Variants in NAA16 observed in about 807,000 individuals in gnomAD.
NAA16 encodes the protein N-alpha-acetyltransferase 16, NatA auxiliary subunit, also known as NARG1-like protein.
A neutral mutation model predicts 110.3 loss-of-function variants in NAA16; 97 were observed. That is an observed-to-expected ratio of 0.88 (90% confidence interval 0.75 to 1.04). The LOEUF is 1.04. Ranked by LOEUF, NAA16 falls within the 50% of genes least tolerant of loss-of-function variation. NAA16 has a pLI of 0.00. For missense variants in NAA16, 1,017 were observed against 1,005.1 expected, an observed-to-expected ratio of 1.01 and a Z score of -0.16; for synonymous variants, 372 against 330.6, an observed-to-expected ratio of 1.13 and a Z score of -1.36.
intron 8 of NAA16, among the ~76,000 whole-genome samples, chr13:41,335,014 T>C (rs2042341570): frequency 6.6e-6 from 1 of 152,192 alleles, no homozygotes; most frequent in African/African-American, 2.4e-5. Flanking sequence ...TAGTCCTGGA[T>C]CAGCACTTCA....
rs559052836 is a variant in NAA16, at chr13:41,337,359, C to T, written c.1014+603C>T. On this transcript the variant is annotated intron_variant, in intron 9 of 19. Transcript: ENST00000379406. Reference sequence around the variant, plus strand: ...GAAATTGAGACTATCCTGGCGAACACGGTGAAACCCCATCTCTAGTAAGAA... The same window carrying T: ...GAAATTGAGACTATCCTGGCGAACATGGTGAAACCCCATCTCTAGTAAGAA... Among the ~76,000 whole-genome samples, 5 of 151,998 alleles carry T rather than the reference C, an allele frequency of 3.3e-5. No homozygotes were observed. The South Asian group carries it at 6.2e-4, about 19-fold the overall frequency.
chr13:41,373,039 C>T lies in NAA16; in HGVS notation c.2155+209C>T, dbSNP rs1316141702. 3.8e-6 allele frequency: 3 copies of T among 799,986 alleles called. No homozygotes were observed. The African/African-American group carries it at 5.6e-5, about 15-fold the overall frequency. 49.6% of individuals were successfully genotyped at this position (799,986 alleles called of 1,614,324 possible). On this transcript the variant is annotated intron_variant, in intron 17 of 19. Transcript: ENST00000379406. ...AGAGAAGCAAATATAAGTTGTCTTA[C>T]ATTAAGCTGGTGGACATTAAAGAGA...
At chr13:41,334,311 A>G (rs1476566162) in intron 8 of NAA16, among the ~76,000 whole-genome samples, 1 of 152,232 alleles carries the variant, frequency 6.6e-6, no homozygotes, top group Non-Finnish European at 1.5e-5. Context: ...CACTCTAAAA[A>G]TAATGAAGGG....
chr13:41,313,642 G>A (rs968358968), intron 1 of NAA16, among the ~76,000 whole-genome samples: 3 of 152,138 alleles, frequency 2.0e-5, no homozygotes, highest in African/African-American at 4.8e-5. Context: ...CGTGTTCCAC[G>A]TGGCTTGTAT....
At chr13:41,349,852 T>G (rs1353410963) in intron 9 of NAA16, among the ~76,000 whole-genome samples, 1 of 151,738 alleles carries the variant, frequency 6.6e-6, no homozygotes, top group African/African-American at 2.4e-5. Flanking sequence ...TCCCAGCTAC[T>G]TGGGAGGCTG....
At chr13:41,317,683 A>G (rs1267070003) in intron 2 of NAA16, among the ~76,000 whole-genome samples, 1 of 152,234 alleles carries the variant, frequency 6.6e-6, no homozygotes, top group Non-Finnish European at 1.5e-5. Flanking sequence ...ATTAATTTTA[A>G]AGCTTGTTTT....
chr13:41,314,381 TGTA>T (rs1249803448), intron 1 of NAA16, among the ~76,000 whole-genome samples: 4 of 152,196 alleles, frequency 2.6e-5, no homozygotes, highest in African/African-American at 7.2e-5. Flanking sequence ...GAGACAGACT[TGTA>T]GTCAAACTCA....
chr13:41,323,353 CT>C (rs372356009), intron 5 of NAA16, among the ~76,000 whole-genome samples, 163 bp downstream of exon 5: 104 of 145,180 alleles, frequency 7.2e-4, no homozygotes, highest in East Asian at 9.9e-4. Context: ...TTTTCTCTCT[CT>C]TTTTTTTTTT....
intron 9 of NAA16, among the ~76,000 whole-genome samples, chr13:41,344,685 T>A (rs2042636491): frequency 6.6e-6 from 1 of 152,242 alleles, no homozygotes; most frequent in Non-Finnish European, 1.5e-5. Context: ...CCCTGGCCTC[T>A]ACCATCGAGA....
rs578179543 is a variant in NAA16, at chr13:41,368,326, T to A, written c.1753+674T>A. Among the ~76,000 whole-genome samples, 3 of 152,304 alleles carry A rather than the reference T, an allele frequency of 2.0e-5. No homozygotes were observed. The East Asian group carries it at 5.8e-4, about 29-fold the overall frequency. On this transcript the variant is annotated intron_variant, in intron 14 of 19. Transcript: ENST00000379406. ...TTCCTAGGTAGCTGTTCATTTCTAA[T>A]ATTTATATAGTATTTAGAGATCACA...
rs747970173 is a variant in NAA16 at position 41,375,768 on chromosome 13, A to G, written c.*166A>G. ...TTCTTTACCCGACCTGCCAATTTAC[A>G]TAACCATCTGTTAAAATTACCTGTT... is the stretch of plus-strand genomic sequence containing the variant. On this transcript the variant is annotated 3_prime_UTR_variant, in exon 20 of 20. Coordinates refer to ENST00000379406, the MANE Select transcript of NAA16 (RefSeq NM_024561.5). The G allele has an allele frequency of 7.6e-6, 4 of 524,648 alleles. No homozygotes were observed. The highest frequency in any genetic ancestry group is 1.3e-5 in the Non-Finnish European group (4 of 303,086). 32.5% of individuals were successfully genotyped at this position (524,648 alleles called of 1,614,324 possible). A position where few individuals can be genotyped will look rare whatever the true frequency, so the allele number is the denominator to read the frequency against.
intron 2 of NAA16, 30 bp downstream of exon 2, chr13:41,316,960 G>A: frequency 6.8e-7 from 1 of 1,474,524 alleles, no homozygotes; most frequent in Non-Finnish European, 9.5e-7. Context: ...ATTGCTTTAG[G>A]GAAATCAAAT....
At chr13:41,323,247 T>G (rs1486296136) in intron 5 of NAA16, 57 bp downstream of exon 5, 23 of 1,535,634 alleles carry the variant, frequency 1.5e-5, no homozygotes, top group Non-Finnish European at 2.0e-5. Context: ...ACTTCTAAAT[T>G]GTCCCTGCTC....
At chr13:41,339,929 G>A (rs1047407823) in intron 9 of NAA16, among the ~76,000 whole-genome samples, 6 of 152,064 alleles carry the variant, frequency 3.9e-5, no homozygotes, top group Non-Finnish European at 7.4e-5. Context: ...TGTCAGTGAG[G>A]TTTTGGAGAA....
chr13:41,346,257 T>C (rs1204592189), intron 9 of NAA16, among the ~76,000 whole-genome samples: 1 of 152,250 alleles, frequency 6.6e-6, no homozygotes, highest in Non-Finnish European at 1.5e-5. Context: ...TGTTGAACGA[T>C]CTTGGCAGCC....
chr13:41,328,777 AACTT>A lies in NAA16; in HGVS notation c.746_749del (p.Asn249ArgfsTer24). On this transcript the variant is annotated frameshift_variant, in exon 7 of 20. Transcript: ENST00000379406. LOFTEE classifies it high-confidence loss of function. ...AAAAGAAGCCAGTGAAGTGTTCAAA[AACTT>A]GATTGATCGAAATGCAGAAAATTGG... 2 of 1,608,554 alleles carry A rather than the reference AACTT, an allele frequency of 1.2e-6. No individual in the cohort carries two copies. Among genetic ancestry groups the A allele is most frequent in the Non-Finnish European group, 1.7e-6 (2 of 1,175,454 alleles).
intron 9 of NAA16, among the ~76,000 whole-genome samples, chr13:41,347,594 T>G (rs1302835345): frequency 6.6e-6 from 1 of 152,256 alleles, no homozygotes; most frequent in Middle Eastern, 3.4e-3. Context: ...CATGCCATTC[T>G]TTTTGATGGT....
intron 9 of NAA16, among the ~76,000 whole-genome samples, chr13:41,353,800 CA>C (rs34976591): frequency 7.7e-4 from 112 of 144,822 alleles, no homozygotes; most frequent in African/African-American, 1.8e-3. Flanking sequence ...CACACACACA[CA>C]CCCCAAAACA....
At chr13:41,353,402 A>AT (rs915687946) in intron 9 of NAA16, among the ~76,000 whole-genome samples, 108 of 148,158 alleles carry the variant, frequency 7.3e-4, no homozygotes, top group East Asian at 1.8e-3. Context: ...AGTCTTTGCA[A>AT]TTTTTTTTTT....
Sources: allele counts gnomAD v4.1 joint callset (sites outside exome capture counted in the v4.1 genomes callset), GRCh38; gene constraint gnomAD v4.1.1; transcripts MANE v1.5; gene names NCBI Gene and HGNC (gene_info 2026-07-23, HGNC 2026-07-21).